Variants in STXBP5L observed in about 807,000 individuals in gnomAD.
The protein encoded by STXBP5L is syntaxin-binding protein 5-like.
STXBP5L carries 65 observed loss-of-function variants against 144.5 expected under a neutral mutation model. The ratio of observed to expected loss-of-function variants is 0.45; its 90% CI spans 0.37 to 0.55. STXBP5L has a LOEUF of 0.55. Among genes scored for constraint, STXBP5L ranks in the 20% least tolerant of loss-of-function variants. The pLI, the probability that STXBP5L is intolerant of heterozygous loss-of-function variation, is 0.00. For missense variants in STXBP5L, 1,298 were observed against 1,405.5 expected (o/e 0.92, Z 1.22); for synonymous variants, 505 against 469.6 (o/e 1.08, Z -0.97).
intron 19 of STXBP5L, among the ~76,000 whole-genome samples, chr3:121,289,001 T>C (rs950873396): frequency 1.3e-4 from 19 of 151,520 alleles, no homozygotes; most frequent in African/African-American, 4.4e-4. Flanking sequence ...GAGAGGATTT[T>C]AAAAATACCT....
intron 3 of STXBP5L, among the ~76,000 whole-genome samples, chr3:120,972,586 C>T (rs1270438143): frequency 6.6e-6 from 1 of 151,966 alleles, no homozygotes; most frequent in East Asian, 1.9e-4. Flanking sequence ...GTTACTCTAG[C>T]TGGGACTTCC....
In STXBP5L at chr3:121,421,603, T is replaced by G. The variant is rs911246009; in HGVS notation, c.*2506T>G. On this transcript the variant is annotated 3_prime_UTR_variant, in exon 27 of 27. Transcript: ENST00000471454. ...AACTGTACAATAAGTATACAATGTCTTAGCAAGATAAATTATTATACCCAA... is the reference window on the plus strand; with the variant it reads ...AACTGTACAATAAGTATACAATGTCGTAGCAAGATAAATTATTATACCCAA... The G allele has an allele frequency of 1.3e-5, 2 of 152,236 alleles. No homozygotes were observed. The highest frequency in any genetic ancestry group is 2.9e-5 in the Non-Finnish European group (2 of 68,040). The allele number at this position is 152,236 out of a possible 1,614,324, so 9.4% of individuals were successfully genotyped here.
rs186332609 is a variant in STXBP5L, at chr3:121,415,940, C to T, written c.3198C>T (p.Ser1066=). Residue 1066 remains serine (S), a synonymous_variant, in exon 25 of 27, where the codon AGC becomes AGT. Coordinates refer to ENST00000471454, the MANE Select transcript of STXBP5L (RefSeq NM_001308330.2). ...TTCTCAAGGGACTGTTTGGTGGAAGCGGACAAACATTTGACAGAGAAGAGC... is the reference window on the plus strand; with the variant it reads ...TTCTCAAGGGACTGTTTGGTGGAAGTGGACAAACATTTGACAGAGAAGAGC... ...RGFLKGLFGG[S]GQTFDREELF... is the part of the protein sequence containing the mutation. 583 of 1,612,614 alleles carry T rather than the reference C, an allele frequency of 3.6e-4. 4 individuals carry two copies. The African/African-American group carries it at 5.2e-3, about 14-fold the overall frequency.
intron 20 of STXBP5L, among the ~76,000 whole-genome samples, chr3:121,340,866 T>A (rs746114901): frequency 6.7e-6 from 1 of 149,748 alleles, no homozygotes; most frequent in Non-Finnish European, 1.5e-5. Flanking sequence ...GAGACAAAGT[T>A]AAAGTGTAGA....
intron 5 of STXBP5L, among the ~76,000 whole-genome samples, chr3:121,089,349 G>T (rs1401862904): frequency 1.3e-5 from 2 of 151,084 alleles, no homozygotes; most frequent in Non-Finnish European, 3.0e-5. Flanking sequence ...CATACCTGAG[G>T]GATAATTTTG....
At chr3:120,958,783 C>A (rs1322211106) in intron 3 of STXBP5L, among the ~76,000 whole-genome samples, 1 of 152,130 alleles carries the variant, frequency 6.6e-6, no homozygotes, top group Non-Finnish European at 1.5e-5. Context: ...CTATGACAAA[C>A]CCACAGCCAA....
rs549035834 is a variant in STXBP5L at position 121,021,524 on chromosome 3, CA to C, written c.288-20174del. ...AAAGACCATATCATAGGCCACAAAA[CA>C]AGTCTCAACAAATTTAAGAAAATCG... On this transcript the variant is annotated intron_variant, in intron 3 of 26. Coordinates refer to ENST00000471454, the MANE Select transcript of STXBP5L (RefSeq NM_001308330.2). Among the ~76,000 whole-genome samples the C allele has an allele frequency of 3.3e-5, 5 of 152,234 alleles. No homozygotes were observed. The South Asian group carries it at 1.0e-3, about 32-fold the overall frequency.
At chr3:120,991,100 C>A (rs1346731580) in intron 3 of STXBP5L, among the ~76,000 whole-genome samples, 1 of 151,950 alleles carries the variant, frequency 6.6e-6, no homozygotes, top group East Asian at 1.9e-4. Context: ...GGGCTAATAT[C>A]CAGAATCTAC....
chr3:121,031,885 C>T (rs755411434), intron 3 of STXBP5L, among the ~76,000 whole-genome samples: 7 of 152,050 alleles, frequency 4.6e-5, no homozygotes, highest in Admixed American at 2.0e-4. Context: ...AATAGAATAA[C>T]AGATGATAGG....
At chr3:121,342,006 A>G (rs2044731452) in intron 20 of STXBP5L, among the ~76,000 whole-genome samples, 1 of 152,154 alleles carries the variant, frequency 6.6e-6, no homozygotes, top group East Asian at 1.9e-4. Flanking sequence ...ACTTTTTGTA[A>G]CACAAAGGAA....
chr3:121,255,158 A>G, intron 16 of STXBP5L, 46 bp downstream of exon 16: 1 of 1,425,096 alleles, frequency 7.0e-7, no homozygotes, highest in South Asian at 1.4e-5. Context: ...TTATTAAAAG[A>G]AAGCTATTAT....
intron 3 of STXBP5L, among the ~76,000 whole-genome samples, chr3:121,004,879 C>A (rs148258130): frequency 1.1e-3 from 174 of 152,246 alleles, no homozygotes; most frequent in African/African-American, 3.9e-3. Flanking sequence ...GTTGAACCAG[C>A]CTTGCATCCC....
At chr3:121,129,926 ATCTCCTC>A (rs1167195123) in intron 7 of STXBP5L, among the ~76,000 whole-genome samples, 1 of 152,088 alleles carries the variant, frequency 6.6e-6, no homozygotes, top group East Asian at 1.9e-4. Flanking sequence ...CATACAGAGC[ATCTCCTC>A]TAAATTAAAG....
At chr3:120,995,935 T>C (rs925611228) in intron 3 of STXBP5L, among the ~76,000 whole-genome samples, 4 of 152,126 alleles carry the variant, frequency 2.6e-5, no homozygotes, top group Non-Finnish European at 5.9e-5. Context: ...TTTTCAAGGG[T>C]AGGTTTTACA....
At chr3:120,949,854 A>C (rs946196425) in intron 2 of STXBP5L, among the ~76,000 whole-genome samples, 3 of 152,088 alleles carry the variant, frequency 2.0e-5, no homozygotes, top group African/African-American at 7.2e-5. Context: ...AGATAATGTA[A>C]TGCCTCCAGA....
At chr3:121,019,681 G>A (rs908947047) in intron 3 of STXBP5L, among the ~76,000 whole-genome samples, 4 of 152,114 alleles carry the variant, frequency 2.6e-5, no homozygotes, top group African/African-American at 7.2e-5. Context: ...AATAACAATC[G>A]CACAGTTTGG....
At chr3:120,986,233 C>T (rs1201398847) in intron 3 of STXBP5L, among the ~76,000 whole-genome samples, 2 of 151,830 alleles carry the variant, frequency 1.3e-5, no homozygotes, top group Admixed American at 6.6e-5. Flanking sequence ...AACTTCATCC[C>T]ATTGTGGCTG....
intron 9 of STXBP5L, among the ~76,000 whole-genome samples, chr3:121,163,444 G>A (rs1326460809): frequency 2.0e-5 from 3 of 150,534 alleles, no homozygotes; most frequent in African/African-American, 7.3e-5. Flanking sequence ...CAAGGAGAGG[G>A]AAAGCATTAG....
chr3:121,368,388 T>C (rs1365739485), intron 20 of STXBP5L, among the ~76,000 whole-genome samples: 1 of 152,122 alleles, frequency 6.6e-6, no homozygotes, highest in Non-Finnish European at 1.5e-5. Context: ...TTTACTTGAC[T>C]TTCTCCCCAT....
Sources: gnomAD v4.1 joint callset for allele counts (sites outside exome capture counted in the v4.1 genomes callset) on GRCh38, gnomAD v4.1.1 for gene constraint, MANE v1.5 for transcripts, NCBI Gene and HGNC (gene_info 2026-07-23, HGNC 2026-07-21) for gene names.